Variants in FXR2 observed in about 807,000 individuals in gnomAD.
The protein encoded by FXR2 is RNA-binding protein FXR2.
FXR2 carries 9 observed loss-of-function variants against 87.3 expected under a neutral mutation model. The observed-to-expected ratio is 0.10, with a 90% CI of 0.06 to 0.18. The LOEUF (loss-of-function observed/expected upper bound fraction) is 0.18, where lower values mean the gene tolerates loss of function less well. Among genes scored for constraint, FXR2 ranks in the 10% least tolerant of loss-of-function variants. FXR2 has a pLI of 1.00. For synonymous variants in FXR2, 331 were observed against 328.3 expected, an observed-to-expected ratio of 1.01 and a Z score of -0.09; for missense variants, 661 against 893.6, an observed-to-expected ratio of 0.74 and a Z score of 3.32.
chr17:7,609,955 CATATATATACATGTATATGTATACAT>C (rs766014848), intron 1 of FXR2, among the ~76,000 whole-genome samples: 20,909 of 85,432 alleles, frequency 0.24, 2,542 homozygotes, highest in Non-Finnish European at 0.37. Flanking sequence ...TATATGTATA[CATATATATACATGTATATGTATACAT>C]ATATATATAC....
intron 7 of FXR2, among the ~76,000 whole-genome samples, chr17:7,601,165 C>T (rs189230279): frequency 2.1e-5 from 3 of 144,516 alleles, no homozygotes; most frequent in African/African-American, 5.2e-5. Context: ...GGCGACACAG[C>T]GAGACTCTGT....
At chr17:7,601,937 G>A (rs1001911691) in intron 6 of FXR2, among the ~76,000 whole-genome samples, 4 of 151,366 alleles carry the variant, frequency 2.6e-5, no homozygotes, top group South Asian at 4.2e-4. Flanking sequence ...AAAAAAAAAA[G>A]AAATGAAGCT....
chr17:7,600,611 C>T (rs200052463), intron 7 of FXR2, among the ~76,000 whole-genome samples: 4 of 152,252 alleles, frequency 2.6e-5, no homozygotes, highest in East Asian at 3.9e-4. Context: ...CAAGGCCGGG[C>T]GCAGCGGCTC....
chr17:7,601,791 G>A (rs756197332), intron 6 of FXR2, among the ~76,000 whole-genome samples: 5 of 152,012 alleles, frequency 3.3e-5, no homozygotes, highest in Non-Finnish European at 7.4e-5. Context: ...GCTGGGCGTG[G>A]TGGCACATGC....
At position 7,614,170 on chromosome 17, in the gene FXR2, C is replaced by T. The variant is rs1331708572; in HGVS notation, c.81+282G>A. On this transcript the variant is annotated intron_variant, in intron 1 of 16. Coordinates refer to ENST00000250113, the MANE Select transcript of FXR2 (RefSeq NM_004860.4). ...TTAGAAGCTGGGTAAAGGGGTCTCT[C>T]CTGCGGAGCGGGGAGCGCCAAGCCA... 2.8e-5 allele frequency: 18 copies of T among 649,010 alleles called. No individual in the cohort carries two copies. In the East Asian group the frequency reaches 5.2e-4, roughly 19 times the overall value. 40.2% of individuals were successfully genotyped at this position (649,010 alleles called of 1,614,324 possible).
At position 7,594,141 on chromosome 17, in the gene FXR2, G is replaced by T; in HGVS notation, c.1020+97C>A. 1 of 903,262 alleles carries T rather than the reference G, an allele frequency of 1.1e-6. No individual in the cohort carries two copies. The highest frequency in any genetic ancestry group is 1.8e-6 in the Non-Finnish European group (1 of 550,174). 56.0% of individuals were successfully genotyped at this position (903,262 alleles called of 1,614,324 possible). On this transcript the variant is annotated intron_variant, in intron 10 of 16. Coordinates refer to ENST00000250113, the MANE Select transcript of FXR2 (RefSeq NM_004860.4). This position sits in a 1 kb window ranked among gnomAD's most constrained non-coding sequence, Gnocchi z 5.1. ...ATCTACTAGTGTTAAACAACTTTCC[G>T]TACTCCACCCTCTCAAAGAACAATC...
In FXR2 at chr17:7,593,839, C is replaced by G; in HGVS notation, c.1107+79G>C. 3.9e-6 allele frequency: 4 copies of G among 1,013,374 alleles called. No homozygotes were observed. Among genetic ancestry groups the G allele is most frequent in the Non-Finnish European group, 6.2e-6 (4 of 640,492 alleles). The allele number at this position is 1,013,374 out of a possible 1,614,324, so 62.8% of individuals were successfully genotyped here. On this transcript the variant is annotated intron_variant, in intron 11 of 16. Transcript: ENST00000250113. The surrounding 1 kb of genome is among the most constrained non-coding windows in gnomAD (Gnocchi z 6.1). ...TCTACACGGAGAGACAAACAGAGAA[C>G]CAAAATCCCTGAGCTGACCCCCACA...
At chr17:7,607,793 A>T (rs1252522797) in intron 1 of FXR2, among the ~76,000 whole-genome samples, 1 of 151,852 alleles carries the variant, frequency 6.6e-6, no homozygotes, top group East Asian at 1.9e-4. Context: ...TTAAATTTTT[A>T]AATTCTTATT....
intron 7 of FXR2, among the ~76,000 whole-genome samples, chr17:7,600,188 C>T (rs920859661): frequency 6.6e-6 from 1 of 151,530 alleles, no homozygotes; most frequent in African/African-American, 2.4e-5. Flanking sequence ...CGTGGGCCAC[C>T]GCGCCCAGTC....
Position 7,611,941 on chromosome 17 carries a change from C to T in FXR2, c.81+2511G>A, listed in dbSNP as rs182074241. On this transcript the variant is annotated intron_variant, in intron 1 of 16. Transcript: ENST00000250113. The stretch of plus-strand genomic sequence containing the variant: ...GCAGAAAATGCTAACCTGCCCAGAT[C>T]CACATTACCACATTACCTGGCTTTC... 8.5e-5 allele frequency among the ~76,000 whole-genome samples: 13 copies of T among 152,260 alleles called. No individual in the cohort carries two copies. In the East Asian group the frequency reaches 1.7e-3, roughly 20 times the overall value.
At chr17:7,614,398 C>T (rs1567755891) in intron 1 of FXR2, 54 bp downstream of exon 1, 29 of 1,325,298 alleles carry the variant, frequency 2.2e-5, no homozygotes, top group Non-Finnish European at 3.0e-5. Context: ...CGTTCCTGCT[C>T]CGGCCAGGGG....
chr17:7,609,980 A>G lies in FXR2; in HGVS notation c.82-3831T>C, dbSNP rs537309328. On this transcript the variant is annotated intron_variant, in intron 1 of 16. Coordinates refer to ENST00000250113, the MANE Select transcript of FXR2 (RefSeq NM_004860.4). ...CATATATATACATGTATATGTATAC[A>G]TATATATATACATGTATATGTATAC... is the stretch of plus-strand genomic sequence containing the variant. Among the ~76,000 whole-genome samples the G allele has an allele frequency of 7.4e-4, 45 of 60,728 alleles. 1 individual carries two copies. Among genetic ancestry groups the G allele is most frequent in the African/African-American group, 2.1e-3 (40 of 19,056 alleles). The allele number at this position is 60,728 out of a possible 152,430, so 39.8% of individuals were successfully genotyped here. A position where few individuals can be genotyped will look rare whatever the true frequency, so the allele number is the denominator to read the frequency against.
At chr17:7,609,979 C>CATATATATATACATGTATATGTATAT in intron 1 of FXR2, among the ~76,000 whole-genome samples, 1 of 47,846 alleles carries the variant, frequency 2.1e-5, no homozygotes, top group East Asian at 4.1e-4. Flanking sequence ...TATATGTATA[C>CATATATATATACATGTATATGTATAT]ATATATATAT....
intron 6 of FXR2, 103 bp from the exon 7 acceptor site, chr17:7,601,628 T>A: frequency 1.3e-6 from 1 of 753,652 alleles, no homozygotes. Flanking sequence ...GGGAAAAGGG[T>A]TAAGAAATGA....
At chr17:7,605,575 A>G in intron 3 of FXR2, 70 bp downstream of exon 3, 1 of 824,318 alleles carries the variant, frequency 1.2e-6, no homozygotes, top group East Asian at 2.6e-5. Flanking sequence ...AGGAACATGA[A>G]CCAACCAGAG....
chr17:7,594,962 A>C lies in FXR2; in HGVS notation c.832-205T>G, dbSNP rs1462889482. Among the ~76,000 whole-genome samples, 4 of 152,018 alleles carry C rather than the reference A, an allele frequency of 2.6e-5. No individual in the cohort carries two copies. The highest frequency in any genetic ancestry group is 4.4e-5 in the Non-Finnish European group (3 of 67,986). On this transcript the variant is annotated intron_variant, in intron 8 of 16. Coordinates refer to ENST00000250113, the MANE Select transcript of FXR2 (RefSeq NM_004860.4). This position sits in a 1 kb window ranked among gnomAD's most constrained non-coding sequence, Gnocchi z 5.1. The stretch of plus-strand genomic sequence containing the variant: ...AAAATACAAAAATACTAAAATACTA[A>C]AAATACAAAATTGGTGGCTCACGTC...
chr17:7,593,514 C>T lies in FXR2; in HGVS notation c.1219G>A (p.Ala407Thr), dbSNP rs1465034902. Residue 407 changes from alanine (A) to threonine (T), a missense_variant, in exon 12 of 17, where the codon GCT (alanine) becomes ACT (threonine). Ala to Thr is a moderately conservative substitution (Grantham distance 58). Coordinates refer to ENST00000250113, the MANE Select transcript of FXR2 (RefSeq NM_004860.4). This position sits in a 1 kb window ranked among gnomAD's most constrained non-coding sequence, Gnocchi z 6.1. ...SGRGSGGSDK[A>T]GYSTDESSSS... ...GAGCTCTCATCAGTGCTATATCCAGCCTTGTCGCTGCCACCGCTGCCCCGC... is the reference window on the plus strand; with the variant it reads ...GAGCTCTCATCAGTGCTATATCCAGTCTTGTCGCTGCCACCGCTGCCCCGC... 1 of 1,587,504 alleles carries T rather than the reference C, an allele frequency of 6.3e-7. No homozygotes were observed. Among genetic ancestry groups the T allele is most frequent in the South Asian group, 1.1e-5 (1 of 87,134 alleles).
At chr17:7,602,785 T>C (rs1236479089) in intron 6 of FXR2, 124 bp downstream of exon 6, 2 of 607,898 alleles carry the variant, frequency 3.3e-6, no homozygotes, top group East Asian at 2.8e-5. Context: ...TCAGGAGCAA[T>C]AAAGTCCTCT....
chr17:7,604,889 T>G (rs1182170491), intron 3 of FXR2, among the ~76,000 whole-genome samples: 1 of 151,214 alleles, frequency 6.6e-6, no homozygotes, highest in African/African-American at 2.4e-5. Context: ...GCCCAGCTAA[T>G]TTTTTGTATT....
Sources: gnomAD v4.1 joint callset for allele counts (sites outside exome capture counted in the v4.1 genomes callset) on GRCh38, gnomAD v4.1.1 for gene constraint, Gnocchi (gnomAD v3.1) non-coding constraint, MANE v1.5 for transcripts, NCBI Gene and HGNC (gene_info 2026-07-23, HGNC 2026-07-21) for gene names.